WNT7A: variants seen among roughly 807,000 people sequenced by gnomAD.
The protein encoded by WNT7A is protein Wnt-7a.
In WNT7A, 16 loss-of-function variants were observed where a neutral mutation model predicts 28.2. That is an observed-to-expected ratio of 0.57 (90% confidence interval 0.38 to 0.86). WNT7A has a LOEUF of 0.86. Among genes scored for constraint, WNT7A ranks in the 40% least tolerant of loss-of-function variants. The pLI is 0.00. For synonymous variants in WNT7A, 190 were observed against 195.9 expected, an observed-to-expected ratio of 0.97 and a Z score of 0.25; for missense variants, 411 against 489.7, an observed-to-expected ratio of 0.84 and a Z score of 1.52.
At position 13,873,657 on chromosome 3, in the gene WNT7A, T is replaced by C. The variant is rs1695058431; in HGVS notation, c.298+1290A>G. Reference sequence around the variant, plus strand: ...GCCCCTGCCCTCATGAAGCTGACATTGCAAACCAGTTCGGAATGGATTGAG... The same window carrying C: ...GCCCCTGCCCTCATGAAGCTGACATCGCAAACCAGTTCGGAATGGATTGAG... On this transcript the variant is annotated intron_variant, in intron 2 of 3. Transcript: ENST00000285018. 2.6e-5 allele frequency among the ~76,000 whole-genome samples: 4 copies of C among 152,218 alleles called. No individual in the cohort carries two copies. The South Asian group carries it at 8.3e-4, about 32-fold the overall frequency.
chr3:13,841,124 C>T (rs1694450228), intron 3 of WNT7A, among the ~76,000 whole-genome samples: 1 of 152,228 alleles, frequency 6.6e-6, no homozygotes, highest in Non-Finnish European at 1.5e-5. Flanking sequence ...AGGGAATACA[C>T]CAGGGGCTGG....
chr3:13,852,639 T>C (rs1286095512), intron 3 of WNT7A, among the ~76,000 whole-genome samples: 2 of 152,162 alleles, frequency 1.3e-5, no homozygotes, highest in Non-Finnish European at 2.9e-5. Flanking sequence ...GGGTGTCCCA[T>C]GGCAGCAAGT....
chr3:13,854,248 C>A (rs1010004871), intron 3 of WNT7A, among the ~76,000 whole-genome samples: 3 of 152,042 alleles, frequency 2.0e-5, no homozygotes, highest in African/African-American at 7.2e-5. Context: ...CTAATTTGGT[C>A]CCTCCCAAGG....
At chr3:13,828,535 G>T (rs1253131061) in intron 3 of WNT7A, among the ~76,000 whole-genome samples, 1 of 152,192 alleles carries the variant, frequency 6.6e-6, no homozygotes, top group East Asian at 1.9e-4. Flanking sequence ...GGGTGGTGGA[G>T]GTGCCCTTTG....
rs760406831 is a variant in WNT7A, at chr3:13,818,954, G to A, written c.1040C>T (p.Thr347Met). The A allele has an allele frequency of 1.9e-6, 3 of 1,575,508 alleles. No homozygotes were observed. In the East Asian group the frequency reaches 6.8e-5, roughly 36 times the overall value. The change falls in exon 4 of 4, where the codon ACG becomes ATG. Residue 347 changes from threonine (T) to methionine (M), a missense_variant. Transcript: ENST00000285018. ...NTCSERTEMY[T>M]CK ...GTGTGCACACGGGGCTCACTTGCACGTGTACATCTCCGTGCGCTCGCTGCA... is the reference window on the plus strand; with the variant it reads ...GTGTGCACACGGGGCTCACTTGCACATGTACATCTCCGTGCGCTCGCTGCA...
At chr3:13,823,889 C>T (rs906715418) in intron 3 of WNT7A, among the ~76,000 whole-genome samples, 1 of 152,142 alleles carries the variant, frequency 6.6e-6, no homozygotes, top group African/African-American at 2.4e-5. Flanking sequence ...GATGTCTGCA[C>T]AACCCTATCA....
intron 3 of WNT7A, among the ~76,000 whole-genome samples, chr3:13,842,496 G>A (rs567450566): frequency 1.4e-4 from 21 of 152,348 alleles, no homozygotes; most frequent in African/African-American, 5.0e-4. Flanking sequence ...TGGGGCAGGG[G>A]ACTGTTGTGT....
intron 2 of WNT7A, among the ~76,000 whole-genome samples, chr3:13,863,196 T>C (rs1285033995): frequency 1.3e-5 from 2 of 152,186 alleles, no homozygotes; most frequent in East Asian, 1.9e-4. Context: ...ACCTTATCCA[T>C]CAAGCCATGG....
At chr3:13,830,490 G>A (rs1694264316) in intron 3 of WNT7A, among the ~76,000 whole-genome samples, 1 of 152,156 alleles carries the variant, frequency 6.6e-6, no homozygotes, top group African/African-American at 2.4e-5. Context: ...CTCTGTGTGT[G>A]GCAGAAGGTG....
At position 13,870,409 on chromosome 3, in the gene WNT7A, C is replaced by T. The variant is rs79602736; in HGVS notation, c.298+4538G>A. ...GCCTCTGAGAAAGCAGCCCTGCTGACACCTGGATGGCAGACGTCCAGCTTC... is the reference window on the plus strand; with the variant it reads ...GCCTCTGAGAAAGCAGCCCTGCTGATACCTGGATGGCAGACGTCCAGCTTC... On this transcript the variant is annotated intron_variant, in intron 2 of 3. Transcript: ENST00000285018. Among the ~76,000 whole-genome samples the T allele has an allele frequency of 4.3e-3, 656 of 152,294 alleles. 7 individuals carry two copies. The highest frequency in any genetic ancestry group is 0.015 in the African/African-American group (617 of 41,552).
At position 13,858,574 on chromosome 3, in the gene WNT7A, C is replaced by T. The variant is rs75131697; in HGVS notation, c.299-3771G>A. Among the ~76,000 whole-genome samples, 1,076 of 152,244 alleles carry T rather than the reference C, an allele frequency of 7.1e-3. 15 individuals are homozygous for T. The highest frequency in any genetic ancestry group is 0.023 in the African/African-American group (971 of 41,534). ...TGCACCTTGGGGCACATTTCACCCC[C>T]CCGAGCTCCAGATGGAGAGCTTTCT... On this transcript the variant is annotated intron_variant, in intron 2 of 3. Coordinates refer to ENST00000285018, the MANE Select transcript of WNT7A (RefSeq NM_004625.4).
chr3:13,830,546 G>A (rs1189744828), intron 3 of WNT7A, among the ~76,000 whole-genome samples: 1 of 152,180 alleles, frequency 6.6e-6, no homozygotes, highest in Non-Finnish European at 1.5e-5. Flanking sequence ...AGGCTGAGCT[G>A]TGTCCCTCCT....
At chr3:13,820,154 TACTGTGTACAGGC>T (rs1445173256) in intron 3 of WNT7A, among the ~76,000 whole-genome samples, 9 of 152,324 alleles carry the variant, frequency 5.9e-5, no homozygotes, top group Admixed American at 5.9e-4. Context: ...ATTGAGCTCC[TACTGTGTACAGGC>T]ACAGAGATGG....
intron 3 of WNT7A, among the ~76,000 whole-genome samples, chr3:13,837,847 C>T (rs548188508): frequency 1.3e-5 from 2 of 152,298 alleles, no homozygotes; most frequent in African/African-American, 4.8e-5. Flanking sequence ...GCCCTATGAA[C>T]TTCCCATCCC....
At chr3:13,838,070 T>A (rs1040851067) in intron 3 of WNT7A, among the ~76,000 whole-genome samples, 3 of 152,144 alleles carry the variant, frequency 2.0e-5, no homozygotes, top group Non-Finnish European at 2.9e-5. Flanking sequence ...GTCGGGCAAA[T>A]GGAAATACAC....
intron 3 of WNT7A, among the ~76,000 whole-genome samples, chr3:13,840,447 T>C (rs911497963): frequency 6.6e-6 from 1 of 152,242 alleles, no homozygotes; most frequent in African/African-American, 2.4e-5. Flanking sequence ...TAAATATTTG[T>C]TGAATGAATG....
chr3:13,820,978 C>T (rs553972665), intron 3 of WNT7A, among the ~76,000 whole-genome samples: 44 of 152,348 alleles, frequency 2.9e-4, no homozygotes, highest in Non-Finnish European at 4.4e-4. Context: ...CCCCCCCACA[C>T]GCAGCCCATG....
intron 2 of WNT7A, among the ~76,000 whole-genome samples, chr3:13,866,536 C>T (rs560790515): frequency 1.8e-4 from 28 of 152,238 alleles, no homozygotes; most frequent in African/African-American, 4.8e-4. Context: ...ACAGTGAGAG[C>T]GGACAAGGAC....
rs555987159 is a variant in WNT7A at position 13,879,275 on chromosome 3, C to T, written c.71+471G>A. 7.2e-5 allele frequency among the ~76,000 whole-genome samples: 11 copies of T among 152,336 alleles called. No individual in the cohort carries two copies. In the South Asian group the frequency reaches 1.9e-3, roughly 26 times the overall value. On this transcript the variant is annotated intron_variant, in intron 1 of 3. Coordinates refer to ENST00000285018, the MANE Select transcript of WNT7A (RefSeq NM_004625.4). Reference sequence around the variant, plus strand: ...GTTTGCACGGACCGGCCCCGCCAGCCACCTGGGGACTGCCCAGTCTCTAGG... The same window carrying T: ...GTTTGCACGGACCGGCCCCGCCAGCTACCTGGGGACTGCCCAGTCTCTAGG...
Sources: gnomAD v4.1 joint callset for allele counts (sites outside exome capture counted in the v4.1 genomes callset) on GRCh38, gnomAD v4.1.1 for gene constraint, MANE v1.5 for transcripts, NCBI Gene and HGNC (gene_info 2026-07-23, HGNC 2026-07-21) for gene names.